The following SPPL2B variants were observed in gnomAD, a reference collection of about 807,000 sequenced individuals.
SPPL2B encodes signal peptide peptidase like 2B.
SPPL2B carries 39 observed loss-of-function variants against 59.7 expected under a neutral mutation model. The observed-to-expected ratio is 0.65, with a 90% CI of 0.51 to 0.85. The LOEUF (loss-of-function observed/expected upper bound fraction) is 0.85, where lower values mean the gene tolerates loss of function less well. SPPL2B is among the 40% of genes least tolerant of loss of function. The pLI is 0.00. For synonymous variants in SPPL2B, 419 were observed against 370.8 expected, an observed-to-expected ratio of 1.13 and a Z score of -1.49; for missense variants, 865 against 849.0, an observed-to-expected ratio of 1.02 and a Z score of -0.23.
intron 8 of SPPL2B, 104 bp from the exon 9 acceptor site, chr19:2,343,107 C>T (rs1969152591): frequency 1.2e-6 from 1 of 864,438 alleles, no homozygotes; most frequent in East Asian, 2.7e-5. Flanking sequence ...GGCAGTGGGG[C>T]TGCGTGCTGG....
chr19:2,341,870 G>A (rs927953376), intron 8 of SPPL2B: 1 of 303,762 alleles, frequency 3.3e-6, no homozygotes, highest in Non-Finnish European at 6.6e-6. Context: ...GGCCAAGGCA[G>A]GACGATCACT....
Position 2,350,261 on chromosome 19 carries a change from C to T in SPPL2B, c.1355-1173C>T, listed in dbSNP as rs542849485. 4.8e-5 allele frequency among the ~76,000 whole-genome samples: 7 copies of T among 145,056 alleles called. No individual in the cohort carries two copies. In the East Asian group the frequency reaches 6.4e-4, roughly 13 times the overall value. The stretch of plus-strand genomic sequence containing the variant: ...CCACACACACACTTGCGCTCTTATT[C>T]GCTTGATTCCGTTCTCTCTCTCCAC... On this transcript the variant is annotated intron_variant, in intron 13 of 14. Transcript: ENST00000613503.
intron 8 of SPPL2B, chr19:2,341,581 C>T (rs972938338): frequency 2.4e-5 from 11 of 456,092 alleles, no homozygotes; most frequent in African/African-American, 2.2e-4. Flanking sequence ...GCTGGCCCGT[C>T]CCCGCCCGGT....
intron 9 of SPPL2B, 147 bp downstream of exon 9, chr19:2,343,439 T>G (rs1599230270): frequency 1.3e-6 from 1 of 746,374 alleles, no homozygotes; most frequent in African/African-American, 1.7e-5. Flanking sequence ...TTGTGAAGGG[T>G]GGGGCTTGAA....
At chr19:2,328,916 C>T (rs996113503) in intron 1 of SPPL2B, 141 bp downstream of exon 1, 1 of 722,310 alleles carries the variant, frequency 1.4e-6, no homozygotes, top group South Asian at 3.8e-5. Flanking sequence ...CGTTGTCGGC[C>T]GGCGGTGCCG....
chr19:2,344,085 CGCCCCCTCGCAA>C, intron 10 of SPPL2B, 46 bp downstream of exon 10: 1 of 1,347,998 alleles, frequency 7.4e-7, no homozygotes, highest in Non-Finnish European at 1.0e-6. Context: ...CCCGCTCCCC[CGCCCCCTCGCAA>C]CCCCCGCCCC....
chr19:2,343,280 G>A lies in SPPL2B; in HGVS notation c.1026G>A (p.Leu342=). ...FCLYMLKTIR[L]PTFKACTLLL... is the part of the protein sequence containing the mutation. ...TCTACATGCTGAAGACCATCCGTCT[G>A]CCCACCTTCAAGGTGAGTGCAGGGA... is the stretch of plus-strand genomic sequence containing the variant. The change falls in exon 9 of 15, where the codon CTG becomes CTA. Residue 342 remains leucine, a synonymous_variant. Transcript: ENST00000613503. 6.4e-7 allele frequency: 1 copy of A among 1,553,364 alleles called. No homozygotes were observed. Among genetic ancestry groups the A allele is most frequent in the Non-Finnish European group, 8.7e-7 (1 of 1,148,048 alleles).
intron 5 of SPPL2B, 22 bp from the exon 6 acceptor site, chr19:2,339,802 C>A: frequency 1.3e-6 from 2 of 1,599,188 alleles, no homozygotes; most frequent in Non-Finnish European, 1.7e-6. Flanking sequence ...CAGGGCCCCA[C>A]GACCCCATGG....
chr19:2,340,208 C>G (rs1968944307), intron 7 of SPPL2B, 36 bp downstream of exon 7: 2 of 1,482,610 alleles, frequency 1.3e-6, no homozygotes, highest in Non-Finnish European at 1.8e-6. Flanking sequence ...GTGCCTGACT[C>G]TGTGCGGTGA....
chr19:2,337,905 G>T (rs1482980926), intron 3 of SPPL2B: 7 of 396,788 alleles, frequency 1.8e-5, no homozygotes, highest in Non-Finnish European at 2.7e-5. Flanking sequence ...GCCCCCAGGG[G>T]TGACGGAGAC....
chr19:2,345,295 A>T lies in SPPL2B; in HGVS notation c.1319A>T (p.Gln440Leu). The T allele has an allele frequency of 6.2e-7, 1 of 1,613,046 alleles. No individual in the cohort carries two copies. Among genetic ancestry groups the T allele is most frequent in the South Asian group, 1.1e-5 (1 of 91,078 alleles). ...AYCHRFDIQV[Q>L]SSRVYFVACT... The stretch of plus-strand genomic sequence containing the variant: ...TGCCACAGGTTTGACATCCAGGTAC[A>T]GTCCTCCAGGGTATACTTCGTGGCC... The change falls in exon 13 of 15, where the codon CAG becomes CTG. Residue 440 changes from glutamine to leucine, a missense_variant. By Grantham distance (113) the Gln-to-Leu change is moderately radical (BLOSUM62 -2). Transcript: ENST00000613503.
chr19:2,334,513 G>T, intron 1 of SPPL2B, 89 bp from the exon 2 acceptor site: 2 of 1,497,240 alleles, frequency 1.3e-6, no homozygotes, highest in Non-Finnish European at 1.8e-6. Flanking sequence ...TCCTGGAGGC[G>T]TCCTCCCCTC....
chr19:2,344,400 C>G lies in SPPL2B; in HGVS notation c.1152C>G (p.Pro384=). 2 of 1,569,152 alleles carry G rather than the reference C, an allele frequency of 1.3e-6. No homozygotes were observed. Among genetic ancestry groups the G allele is most frequent in the Non-Finnish European group, 1.7e-6 (2 of 1,157,960 alleles). Residue 384 remains proline (P), a synonymous_variant, in exon 11 of 15, where the codon CCC becomes CCG. Coordinates refer to ENST00000613503, the MANE Select transcript of SPPL2B (RefSeq NM_152988.3). ...SSIMVEVATG[P]SDSATREKLP... is the part of the protein sequence containing the mutation. ...TCATGGTGGAGGTGGCCACTGGGCC[C>G]TCGGACTCAGCCACCCGTGAGAAGG...
At chr19:2,330,189 A>C (rs1287601170) in intron 1 of SPPL2B, 1 of 151,344 alleles carries the variant, frequency 6.6e-6, no homozygotes, top group African/African-American at 2.4e-5. Flanking sequence ...GCTCACTGCA[A>C]CCTCTGCCTC....
intron 7 of SPPL2B, chr19:2,340,482 A>G: frequency 1.6e-6 from 1 of 609,488 alleles, no homozygotes; most frequent in East Asian, 3.3e-5. Context: ...AAGGTTCCCC[A>G]CAGCCCAGAG....
intron 2 of SPPL2B, among the ~76,000 whole-genome samples, chr19:2,335,637 C>T (rs1968552117): frequency 6.6e-6 from 1 of 150,904 alleles, no homozygotes; most frequent in African/African-American, 2.4e-5. Flanking sequence ...TCCTTCAGGC[C>T]CCGCCTCCTT....
rs533154359 is a variant in SPPL2B, at chr19:2,340,109, C to T, written c.776C>T (p.Ser259Phe). Residue 259 changes from serine (S) to phenylalanine (F), a missense_variant, in exon 7 of 15, where the codon TCC becomes TTC. Ser to Phe is a radical substitution (Grantham distance 155, BLOSUM62 -2). Transcript: ENST00000613503. Reference protein sequence around the residue: ...YVVIGIFCLASATGLYSCLAP... With the variant: ...YVVIGIFCLAFATGLYSCLAP... ...GTCATCGGGATCTTCTGCCTGGCCT[C>T]CGCCACCGGCCTCTACAGCTGCCTG... 1 of 1,594,360 alleles carries T rather than the reference C, an allele frequency of 6.3e-7. No homozygotes were observed. The highest frequency in any genetic ancestry group is 8.5e-7 in the Non-Finnish European group (1 of 1,176,026).
chr19:2,344,131 C>T, intron 10 of SPPL2B, 92 bp downstream of exon 10: 1 of 614,586 alleles, frequency 1.6e-6, no homozygotes, highest in Non-Finnish European at 2.6e-6. Flanking sequence ...TCACCCCGCC[C>T]CCTCGTCCCG....
At chr19:2,352,470 C>T (rs1382369234) in intron 14 of SPPL2B, among the ~76,000 whole-genome samples, 5 of 152,152 alleles carry the variant, frequency 3.3e-5, no homozygotes, top group African/African-American at 9.7e-5. Context: ...CCGTCCCTGC[C>T]GCACTGGTGT....
Sources: allele counts gnomAD v4.1 joint callset (sites outside exome capture counted in the v4.1 genomes callset), GRCh38; gene constraint gnomAD v4.1.1; transcripts MANE v1.5; gene names NCBI Gene and HGNC (gene_info 2026-07-23, HGNC 2026-07-21).